The following XKR9 variants were observed in gnomAD, a reference collection of about 807,000 sequenced individuals.
The protein encoded by XKR9 is XK related 9.
A neutral mutation model predicts 32.0 loss-of-function variants in XKR9; 32 were observed. The observed-to-expected ratio is 1.00, with a 90% CI of 0.76 to 1.34. The LOEUF is 1.34. Ranked by LOEUF, XKR9 falls within the 40% of genes most tolerant of loss-of-function variation. XKR9 has a pLI of 0.00. For synonymous variants in XKR9, 168 were observed against 143.4 expected (o/e 1.17, Z -1.22); for missense variants, 546 against 429.7 (o/e 1.27, Z -2.39).
chr8:70,855,260 A>T, the XKR9 span, among the ~76,000 whole-genome samples: 1 of 152,160 alleles, frequency 6.6e-6, no homozygotes, highest in Non-Finnish European at 1.5e-5. Context: ...TAACTAGAAT[A>T]ACCAATGCAG....
chr8:70,718,818 C>T (rs148451171), intron 4 of XKR9, among the ~76,000 whole-genome samples: 17 of 152,196 alleles, frequency 1.1e-4, no homozygotes, highest in Admixed American at 5.9e-4. Context: ...GATTTATAAT[C>T]GTTTGGGTAT....
chr8:70,962,903 A>G, the XKR9 span, among the ~76,000 whole-genome samples: 1 of 152,208 alleles, frequency 6.6e-6, no homozygotes, highest in African/African-American at 2.4e-5. Context: ...ATATATTTTA[A>G]TAAGTAGGGT....
chr8:70,916,193 G>T, the XKR9 span, among the ~76,000 whole-genome samples: 2 of 152,264 alleles, frequency 1.3e-5, no homozygotes, highest in African/African-American at 4.8e-5. Context: ...CCCTATGAAG[G>T]ATATATAAGC....
At chr8:70,959,637 G>T in the XKR9 span, among the ~76,000 whole-genome samples, 1 of 152,166 alleles carries the variant, frequency 6.6e-6, no homozygotes, top group Non-Finnish European at 1.5e-5. Context: ...TATGTTCTGA[G>T]TATCCTCTAA....
the XKR9 span, among the ~76,000 whole-genome samples, chr8:70,991,263 G>A: frequency 6.6e-6 from 1 of 152,216 alleles, no homozygotes; most frequent in South Asian, 2.1e-4. Context: ...ATGAAACGGA[G>A]GCTGTAGCTT....
chr8:71,024,739 C>T, the XKR9 span, among the ~76,000 whole-genome samples: 65,821 of 151,964 alleles, frequency 0.43, 15,311 homozygotes, highest in Non-Finnish European at 0.53. Context: ...TCACTTTCCC[C>T]ACACTGGGAA....
chr8:70,819,987 T>C, the XKR9 span, among the ~76,000 whole-genome samples: 1 of 152,184 alleles, frequency 6.6e-6, no homozygotes, highest in East Asian at 1.9e-4. Context: ...CCTTTGGAAG[T>C]ACAAACTTAT....
the XKR9 span, among the ~76,000 whole-genome samples, chr8:70,932,414 A>G: frequency 0.42 from 64,140 of 151,866 alleles, 14,635 homozygotes; most frequent in Non-Finnish European, 0.52. Flanking sequence ...TTTGATAACC[A>G]CTAGTCTAGG....
At chr8:70,777,962 A>G (rs986963873) in intron 2 of XKR9, among the ~76,000 whole-genome samples, 1 of 152,054 alleles carries the variant, frequency 6.6e-6, no homozygotes, top group African/African-American at 2.4e-5. Context: ...GTTAAATTAG[A>G]TCCCATTTGT....
intron 1 of XKR9, among the ~76,000 whole-genome samples, chr8:70,671,496 A>C: frequency 1.3e-5 from 1 of 77,878 alleles, no homozygotes; most frequent in Non-Finnish European, 3.3e-5. Context: ...CCCCGACCCC[A>C]CCACAGTCCC....
the XKR9 span, among the ~76,000 whole-genome samples, chr8:71,008,905 G>A: frequency 2.0e-5 from 3 of 152,306 alleles, no homozygotes; most frequent in South Asian, 6.2e-4. Flanking sequence ...CTGAGCTCAA[G>A]TGAGCTGCCT....
the XKR9 span, among the ~76,000 whole-genome samples, chr8:70,973,878 T>C: frequency 8.5e-5 from 13 of 152,224 alleles, no homozygotes; most frequent in Non-Finnish European, 1.6e-4. Context: ...TTTTGTGGCC[T>C]ATCATATGGT....
At chr8:70,857,649 C>T in the XKR9 span, among the ~76,000 whole-genome samples, 1,247 of 151,936 alleles carry the variant, frequency 8.2e-3, 14 homozygotes, top group African/African-American at 0.029. Context: ...AAAGCCTGGC[C>T]GAGACACAAC....
chr8:70,881,435 C>A, the XKR9 span, among the ~76,000 whole-genome samples: 1 of 151,864 alleles, frequency 6.6e-6, no homozygotes, highest in African/African-American at 2.4e-5. Flanking sequence ...AAAAAACAAC[C>A]CCATCAAAAA....
chr8:71,041,419 T>C, the XKR9 span, among the ~76,000 whole-genome samples: 4 of 152,214 alleles, frequency 2.6e-5, no homozygotes, highest in Admixed American at 1.3e-4. Context: ...GTTTAAAATA[T>C]ATGATAAATC....
rs767735808 is a variant in XKR9 at position 70,713,842 on chromosome 8, A to T, written c.493+6689A>T. On this transcript the variant is annotated intron_variant, in intron 4 of 4. Coordinates refer to ENST00000408926, the MANE Select transcript of XKR9 (RefSeq NM_001011720.2). ...CCTATTTAAGAAAAATAACAATATT[A>T]TGAAAAAAATTAGGTATTGTATGTG... 4.6e-5 allele frequency among the ~76,000 whole-genome samples: 7 copies of T among 152,278 alleles called. No individual in the cohort carries two copies. The East Asian group carries it at 1.3e-3, about 29-fold the overall frequency.
At chr8:70,922,268 T>C in the XKR9 span, among the ~76,000 whole-genome samples, 1 of 152,236 alleles carries the variant, frequency 6.6e-6, no homozygotes, top group Admixed American at 6.5e-5. Flanking sequence ...TTAGTCTTTT[T>C]GGCAGAGCTG....
At chr8:70,958,640 A>T in the XKR9 span, among the ~76,000 whole-genome samples, 2 of 152,088 alleles carry the variant, frequency 1.3e-5, no homozygotes, top group African/African-American at 2.4e-5. Context: ...CCTATTCTGT[A>T]GGTTGTCTGT....
chr8:70,739,522 G>A (rs941406621), downstream of XKR9, among the ~76,000 whole-genome samples: 1 of 152,118 alleles, frequency 6.6e-6, no homozygotes, highest in Non-Finnish European at 1.5e-5. Flanking sequence ...GATGTTAGCT[G>A]GTTATTTTGC....
Sources: gnomAD v4.1 joint callset for allele counts (sites outside exome capture counted in the v4.1 genomes callset) on GRCh38, gnomAD v4.1.1 for gene constraint, MANE v1.5 for transcripts, NCBI Gene and HGNC (gene_info 2026-07-23, HGNC 2026-07-21) for gene names.